BRINP2: variants seen among roughly 807,000 people sequenced by gnomAD.
BRINP2 encodes the protein BMP/retinoic acid inducible neural specific 2.
Under a neutral mutation model 69.2 loss-of-function variants are expected in BRINP2, and 21 were observed. The ratio of observed to expected loss-of-function variants is 0.30; its 90% CI spans 0.22 to 0.44. The LOEUF (loss-of-function observed/expected upper bound fraction) is 0.44, where lower values mean the gene tolerates loss of function less well. BRINP2 is among the 20% of genes least tolerant of loss of function. The pLI is 1.00. For synonymous variants in BRINP2, 380 were observed against 394.1 expected (o/e 0.96, Z 0.42); for missense variants, 877 against 986.0 (o/e 0.89, Z 1.48).
chr1:177,185,265 A>G (rs1301528090), intron 1 of BRINP2, among the ~76,000 whole-genome samples: 1 of 152,340 alleles, frequency 6.6e-6, no homozygotes, highest in East Asian at 1.9e-4. Flanking sequence ...GGAAAGGTCT[A>G]CAATAAAGAA....
intron 4 of BRINP2, among the ~76,000 whole-genome samples, chr1:177,259,460 T>A (rs997616986): frequency 6.6e-6 from 1 of 152,194 alleles, no homozygotes; most frequent in South Asian, 2.1e-4. Context: ...GCGAAGATCA[T>A]TGATGAGGGT....
At chr1:177,261,526 T>C (rs1231636488) in intron 4 of BRINP2, among the ~76,000 whole-genome samples, 1 of 152,196 alleles carries the variant, frequency 6.6e-6, no homozygotes, top group Non-Finnish European at 1.5e-5. Flanking sequence ...GGTACAGATC[T>C]GAAAGAAATA....
intron 2 of BRINP2, among the ~76,000 whole-genome samples, chr1:177,233,327 T>G (rs1184407706): frequency 6.6e-6 from 1 of 152,180 alleles, no homozygotes; most frequent in Non-Finnish European, 1.5e-5. Flanking sequence ...GCAAATTACA[T>G]AGTTTTCTTG....
chr1:177,264,559 C>T (rs199641452), intron 4 of BRINP2, among the ~76,000 whole-genome samples: 1 of 152,090 alleles, frequency 6.6e-6, no homozygotes, highest in Admixed American at 6.6e-5. Context: ...TTAGAAAACC[C>T]CATCGTCTCA....
intron 2 of BRINP2, among the ~76,000 whole-genome samples, chr1:177,241,786 C>A (rs1237181598): frequency 2.0e-5 from 3 of 152,110 alleles, no homozygotes; most frequent in Non-Finnish European, 2.9e-5. Flanking sequence ...GCTTTCTGTG[C>A]CATTGTCGAA....
intron 2 of BRINP2, among the ~76,000 whole-genome samples, chr1:177,249,406 G>A (rs1650509078): frequency 6.6e-6 from 1 of 152,176 alleles, no homozygotes; most frequent in Non-Finnish European, 1.5e-5. Flanking sequence ...ACAGGGAAGG[G>A]CTCTCTTTAC....
At chr1:177,198,727 C>G (rs1441688850) in intron 1 of BRINP2, among the ~76,000 whole-genome samples, 1 of 152,168 alleles carries the variant, frequency 6.6e-6, no homozygotes, top group African/African-American at 2.4e-5. Flanking sequence ...AATAAATGCT[C>G]ACTCAGTCAT....
At chr1:177,269,347 C>A (rs1651234031) in intron 4 of BRINP2, among the ~76,000 whole-genome samples, 1 of 152,238 alleles carries the variant, frequency 6.6e-6, no homozygotes, top group Non-Finnish European at 1.5e-5. Flanking sequence ...CATAGACATC[C>A]TGTCCATAAT....
At chr1:177,240,224 T>A (rs973999042) in intron 2 of BRINP2, among the ~76,000 whole-genome samples, 5 of 152,166 alleles carry the variant, frequency 3.3e-5, no homozygotes, top group African/African-American at 1.2e-4. Flanking sequence ...TTCTCCTGGA[T>A]CCACAGAGGC....
At chr1:177,173,035 TC>T (rs1356060863) in intron 1 of BRINP2, among the ~76,000 whole-genome samples, 1 of 152,100 alleles carries the variant, frequency 6.6e-6, no homozygotes, top group Non-Finnish European at 1.5e-5. Flanking sequence ...GTATACCAAA[TC>T]CCCCGGGGGG....
At chr1:177,246,237 C>T (rs2102337443) in intron 2 of BRINP2, among the ~76,000 whole-genome samples, 1 of 152,280 alleles carries the variant, frequency 6.6e-6, no homozygotes, top group East Asian at 1.9e-4. Flanking sequence ...AAAGAATTAC[C>T]TGGGAAATAT....
chr1:177,271,807 C>A (rs1651336030), intron 4 of BRINP2, among the ~76,000 whole-genome samples: 1 of 152,134 alleles, frequency 6.6e-6, no homozygotes, highest in Non-Finnish European at 1.5e-5. Context: ...CCCTTCCCTG[C>A]CACCCCTACT....
chr1:177,203,033 T>C (rs1648968088), intron 1 of BRINP2, among the ~76,000 whole-genome samples: 1 of 152,112 alleles, frequency 6.6e-6, no homozygotes, highest in African/African-American at 2.4e-5. Context: ...CACACGTATG[T>C]TTATTGTGGC....
At chr1:177,260,027 A>G (rs1650897087) in intron 4 of BRINP2, among the ~76,000 whole-genome samples, 1 of 152,200 alleles carries the variant, frequency 6.6e-6, no homozygotes, top group Non-Finnish European at 1.5e-5. Flanking sequence ...GATTCCTCTG[A>G]CAAATCTGGG....
At chr1:177,236,601 A>G (rs539166882) in intron 2 of BRINP2, among the ~76,000 whole-genome samples, 2 of 152,312 alleles carry the variant, frequency 1.3e-5, no homozygotes, top group South Asian at 4.1e-4. Context: ...ACAGATAAGT[A>G]AGCAAGTGCT....
chr1:177,262,806 A>G (rs1650999780), intron 4 of BRINP2, among the ~76,000 whole-genome samples: 1 of 152,172 alleles, frequency 6.6e-6, no homozygotes, highest in Non-Finnish European at 1.5e-5. Flanking sequence ...AATCTATGAA[A>G]TGGTCTTTTG....
chr1:177,192,686 G>A lies in BRINP2; in HGVS notation c.-77+20954G>A, dbSNP rs553009374. On this transcript the variant is annotated intron_variant, in intron 1 of 7. Transcript: ENST00000361539. ...AGCTTAATTTTGGATTATTTACAGT[G>A]TGAGTGAGAAAATGAAGAAATGTAA... Among the ~76,000 whole-genome samples the A allele has an allele frequency of 4.6e-5, 7 of 152,276 alleles. No individual in the cohort carries two copies. The South Asian group carries it at 1.2e-3, about 27-fold the overall frequency.
intron 1 of BRINP2, among the ~76,000 whole-genome samples, chr1:177,201,750 G>A (rs1359460836): frequency 5.3e-5 from 8 of 152,104 alleles, no homozygotes; most frequent in Non-Finnish European, 8.8e-5. Context: ...TTTTTCTATT[G>A]ACTGGAATAG....
At chr1:177,270,279 C>T (rs1025614905) in intron 4 of BRINP2, among the ~76,000 whole-genome samples, 8 of 152,144 alleles carry the variant, frequency 5.3e-5, no homozygotes, top group African/African-American at 1.9e-4. Flanking sequence ...GCCTTTCTCA[C>T]TCTGTGGGTT....
Sources: gnomAD v4.1 joint callset for allele counts (sites outside exome capture counted in the v4.1 genomes callset) on GRCh38, gnomAD v4.1.1 for gene constraint, MANE v1.5 for transcripts, NCBI Gene and HGNC (gene_info 2026-07-23, HGNC 2026-07-21) for gene names.